The following ZNF385D variants were observed in gnomAD, a reference collection of about 807,000 sequenced individuals.
ZNF385D encodes zinc finger protein 385D.
A neutral mutation model predicts 35.8 loss-of-function variants in ZNF385D; 15 were observed. The ratio of observed to expected loss-of-function variants is 0.42; its 90% CI spans 0.28 to 0.64. ZNF385D has a LOEUF of 0.64. Ranked by LOEUF, ZNF385D falls within the 30% of genes least tolerant of loss-of-function variation. The pLI, the probability that ZNF385D is intolerant of heterozygous loss-of-function variation, is 0.23. For synonymous variants in ZNF385D, 212 were observed against 186.8 expected (o/e 1.13, Z -1.10); for missense variants, 474 against 494.6 (o/e 0.96, Z 0.39).
At chr3:22,072,681 AGGAGAAAGAGGGAGAAAG>A (rs1454888093) in intron 3 of ZNF385D, among the ~76,000 whole-genome samples, 2 of 151,928 alleles carry the variant, frequency 1.3e-5, no homozygotes, top group Admixed American at 6.6e-5. Context: ...AATGGAGAAA[AGGAGAAAGAGGGAGAAAG>A]GGAGAAAGAG....
rs542093767 is a variant in ZNF385D at position 22,332,881 on chromosome 3, G to C, written c.106+39569C>G. Among the ~76,000 whole-genome samples the C allele has an allele frequency of 8.6e-5, 13 of 151,624 alleles. No homozygotes were observed. The South Asian group carries it at 2.1e-3, about 24-fold the overall frequency. On this transcript the variant is annotated intron_variant, in intron 2 of 5. Transcript: ENST00000494108. ...TAGTAGTTATTATATTTATAAACAT[G>C]TATAGCATTTATATTACTTTTCCTT...
chr3:22,205,700 A>G (rs1697103080), intron 2 of ZNF385D, among the ~76,000 whole-genome samples: 1 of 152,054 alleles, frequency 6.6e-6, no homozygotes, highest in Admixed American at 6.6e-5. Context: ...AATATGGGTT[A>G]CAAGATATTA....
chr3:21,779,341 T>C (rs901766056), intron 3 of ZNF385D, among the ~76,000 whole-genome samples: 3 of 149,982 alleles, frequency 2.0e-5, no homozygotes, highest in Non-Finnish European at 4.4e-5. Context: ...TTCTGAAACA[T>C]GTCTAAATAG....
intron 3 of ZNF385D, among the ~76,000 whole-genome samples, chr3:22,153,090 A>G (rs993173508): frequency 6.6e-6 from 1 of 152,178 alleles, no homozygotes; most frequent in African/African-American, 2.4e-5. Flanking sequence ...GTACTACTGC[A>G]TACAACCATT....
intron 3 of ZNF385D, among the ~76,000 whole-genome samples, chr3:22,046,290 T>C (rs1468183813): frequency 6.6e-6 from 1 of 151,904 alleles, no homozygotes; most frequent in Admixed American, 6.5e-5. Flanking sequence ...TGCAGCTTCA[T>C]TAACCATATG....
chr3:22,227,998 C>T (rs570763319), intron 2 of ZNF385D, among the ~76,000 whole-genome samples: 1 of 152,254 alleles, frequency 6.6e-6, no homozygotes, highest in African/African-American at 2.4e-5. Flanking sequence ...AAGCCAAGAA[C>T]CCGCCTAAAC....
chr3:21,578,904 T>A (rs56330701), intron 2 of ZNF385D, among the ~76,000 whole-genome samples: 1,787 of 152,318 alleles, frequency 0.012, 33 homozygotes, highest in African/African-American at 0.04. Flanking sequence ...TGCATTTTTT[T>A]AGAAAAGAAT....
At chr3:22,118,179 A>C (rs1262945981) in intron 3 of ZNF385D, among the ~76,000 whole-genome samples, 1 of 152,102 alleles carries the variant, frequency 6.6e-6, no homozygotes, top group African/African-American at 2.4e-5. Flanking sequence ...TGAACTATGG[A>C]ATTGCTAATG....
At chr3:21,586,631 C>A (rs915379242) in intron 2 of ZNF385D, among the ~76,000 whole-genome samples, 1 of 152,114 alleles carries the variant, frequency 6.6e-6, no homozygotes, top group African/African-American at 2.4e-5. Flanking sequence ...AACATGTAGG[C>A]TTGCAAGAAG....
intron 3 of ZNF385D, among the ~76,000 whole-genome samples, chr3:21,948,267 G>C (rs1239433360): frequency 2.6e-5 from 4 of 151,644 alleles, no homozygotes; most frequent in Non-Finnish European, 5.9e-5. Context: ...GAGAAACAAA[G>C]CATTCCAATA....
intron 2 of ZNF385D, among the ~76,000 whole-genome samples, chr3:21,625,637 C>CT (rs770078251): frequency 1.3e-5 from 2 of 152,076 alleles, no homozygotes; most frequent in Non-Finnish European, 2.9e-5. Flanking sequence ...TCAGAACTTA[C>CT]TTTTTTGCCA....
intron 2 of ZNF385D, among the ~76,000 whole-genome samples, chr3:22,175,110 T>G (rs1026759704): frequency 1.3e-5 from 2 of 152,036 alleles, no homozygotes; most frequent in Non-Finnish European, 2.9e-5. Flanking sequence ...AGTTGTAATT[T>G]GTATGATATA....
At position 21,791,827 on chromosome 3, in the gene ZNF385D, C is replaced by G. The variant is rs528768794; in HGVS notation, c.326-126799G>C. On this transcript the variant is annotated intron_variant, in intron 3 of 5. Coordinates refer to the ZNF385D transcript ENST00000494108. ...TCGGCTCACTGCAACCTCCGACTCCCTGGTTCAAGCAATTCTCCTGCCTCA... is the reference window on the plus strand; with the variant it reads ...TCGGCTCACTGCAACCTCCGACTCCGTGGTTCAAGCAATTCTCCTGCCTCA... Among the ~76,000 whole-genome samples, 507 of 152,252 alleles carry G rather than the reference C, an allele frequency of 3.3e-3. 2 individuals carry two copies. Among genetic ancestry groups the G allele is most frequent in the Non-Finnish European group, 5.5e-3 (375 of 68,014 alleles).
chr3:21,758,721 T>G (rs9821107), intron 3 of ZNF385D, among the ~76,000 whole-genome samples: 114,565 of 151,768 alleles, frequency 0.75, 45,051 homozygotes, highest in East Asian at 0.98. Flanking sequence ...GGTTCTCAGA[T>G]TCTCTCTCTC....
intron 3 of ZNF385D, among the ~76,000 whole-genome samples, chr3:21,525,070 T>C (rs1407985434): frequency 2.0e-5 from 3 of 152,170 alleles, no homozygotes; most frequent in Admixed American, 1.3e-4. Flanking sequence ...AAGGGTCCAT[T>C]CAGTAAATCA....
At chr3:22,325,298 G>A (rs1282963782) in intron 2 of ZNF385D, among the ~76,000 whole-genome samples, 1 of 152,158 alleles carries the variant, frequency 6.6e-6, no homozygotes, top group Non-Finnish European at 1.5e-5. Flanking sequence ...GTAATATTGG[G>A]GAACACTGAA....
chr3:21,716,896 G>A (rs1352692117), intron 1 of ZNF385D, among the ~76,000 whole-genome samples: 1 of 151,996 alleles, frequency 6.6e-6, no homozygotes, highest in African/African-American at 2.4e-5. Context: ...GGCTGAGGCG[G>A]GTGGATCACA....
chr3:21,792,367 C>T (rs550571162), intron 3 of ZNF385D, among the ~76,000 whole-genome samples: 2 of 152,152 alleles, frequency 1.3e-5, no homozygotes, highest in Non-Finnish European at 2.9e-5. Flanking sequence ...CCCACTACAG[C>T]CCTCAGACTA....
At chr3:22,302,131 G>T (rs1702935124) in intron 2 of ZNF385D, among the ~76,000 whole-genome samples, 2 of 152,028 alleles carry the variant, frequency 1.3e-5, no homozygotes, top group South Asian at 2.1e-4. Context: ...TGTACAGCTG[G>T]ATTCACACTT....
Sources: gnomAD v4.1 joint callset for allele counts (sites outside exome capture counted in the v4.1 genomes callset) on GRCh38, gnomAD v4.1.1 for gene constraint, MANE v1.5 for transcripts, NCBI Gene and HGNC (gene_info 2026-07-23, HGNC 2026-07-21) for gene names.